Variants in RYR1 observed in about 807,000 individuals in gnomAD.
RYR1 encodes central core disease of muscle.
A neutral mutation model predicts 583.5 loss-of-function variants in RYR1; 342 were observed. The ratio of observed to expected loss-of-function variants is 0.59; its 90% CI spans 0.54 to 0.64. The LOEUF (loss-of-function observed/expected upper bound fraction) is 0.64, where lower values mean the gene tolerates loss of function less well. Ranked by LOEUF, RYR1 falls within the 30% of genes least tolerant of loss-of-function variation. The pLI is 0.00. For synonymous variants in RYR1, 2,791 were observed against 2,822.5 expected (o/e 0.99, Z 0.35); for missense variants, 6,032 against 6,917.2 (o/e 0.87, Z 4.54).
At chr19:38,519,070 G>A in intron 66 of RYR1, 144 bp from the exon 67 acceptor site, 1 of 1,347,076 alleles carries the variant, frequency 7.4e-7, no homozygotes, top group South Asian at 1.2e-5. Context: ...CAGTGTTCAG[G>A]GACTATATCC....
At chr19:38,455,210 A>G in intron 13 of RYR1, 25 bp from the exon 14 acceptor site, 8 of 1,613,710 alleles carry the variant, frequency 5.0e-6, no homozygotes, top group Non-Finnish European at 6.8e-6. Context: ...TCCTATTGTG[A>G]TGCCTCTTAT....
At chr19:38,585,891 T>C (rs1023358389) in intron 102 of RYR1, 47 bp from the exon 103 acceptor site, 5 of 1,613,046 alleles carry the variant, frequency 3.1e-6, no homozygotes, top group East Asian at 4.5e-5. Flanking sequence ...GGGGGGAGTC[T>C]GAACCAGGTC....
chr19:38,503,735 T>C (rs1970308083), intron 49 of RYR1, among the ~76,000 whole-genome samples: 1 of 150,818 alleles, frequency 6.6e-6, no homozygotes, highest in Admixed American at 6.6e-5. Flanking sequence ...ATCGTGCCAC[T>C]GCACTCCAGC....
chr19:38,447,251 CA>C (rs1433327258), intron 9 of RYR1, among the ~76,000 whole-genome samples: 1 of 150,830 alleles, frequency 6.6e-6, no homozygotes, highest in African/African-American at 2.4e-5. Context: ...AAAACAAAAA[CA>C]AAAAGAGGCC....
Position 38,548,373 on chromosome 19 carries a change from T to A in RYR1, c.12235T>A (p.Tyr4079Asn). Reference sequence around the variant, plus strand: ...TGTGGGCTCTGAAGCCTTCCAGGACTACGTAACGGATCCCCGTGGCCTCAT... The same window carrying A: ...TGTGGGCTCTGAAGCCTTCCAGGACAACGTAACGGATCCCCGTGGCCTCAT... Reference protein sequence around the residue: ...DIVGSEAFQDYVTDPRGLISK... With the variant: ...DIVGSEAFQDNVTDPRGLISK... Residue 4079 changes from tyrosine (Y) to asparagine (N), a missense_variant, in exon 89 of 106, where the codon TAC becomes AAC. Coordinates refer to ENST00000359596, the MANE Select transcript of RYR1 (RefSeq NM_000540.3). 6.2e-7 allele frequency: 1 copy of A among 1,614,138 alleles called. No individual in the cohort carries two copies. The highest frequency in any genetic ancestry group is 8.5e-7 in the Non-Finnish European group (1 of 1,180,034).
intron 54 of RYR1, 44 bp downstream of exon 54, chr19:38,505,990 A>C: frequency 1.3e-6 from 2 of 1,576,898 alleles, no homozygotes; most frequent in South Asian, 1.1e-5. Flanking sequence ...CGATGGGGGG[A>C]GGGTCTAGAA....
chr19:38,488,488 G>T (rs959281479), intron 34 of RYR1, among the ~76,000 whole-genome samples: 1 of 151,794 alleles, frequency 6.6e-6, no homozygotes. Flanking sequence ...CCATATGTTA[G>T]CATCTTTTAA....
intron 11 of RYR1, among the ~76,000 whole-genome samples, chr19:38,449,155 TAGAGAC>T (rs1653073839): frequency 6.6e-6 from 1 of 151,830 alleles, no homozygotes; most frequent in Admixed American, 6.6e-5. Flanking sequence ...TAGAGAAAGA[TAGAGAC>T]AGAGAAACAG....
At chr19:38,527,616 C>G in intron 72 of RYR1, 31 bp from the exon 73 acceptor site, 1 of 1,613,230 alleles carries the variant, frequency 6.2e-7, no homozygotes, top group Non-Finnish European at 8.5e-7. Context: ...AAGGGTCCCT[C>G]ACGCCGGCCA....
At position 38,478,553 on chromosome 19, in the gene RYR1, T is replaced by TTAA; in HGVS notation, c.4575_4577dup (p.Leu1525_Met1526insIle). 6 of 1,614,024 alleles carry TTAA rather than the reference T, an allele frequency of 3.7e-6. No homozygotes were observed. Among genetic ancestry groups the TTAA allele is most frequent in the Non-Finnish European group, 5.1e-6 (6 of 1,180,038 alleles). Reference sequence around the variant, plus strand: ...GTGCCTGGTGGACTTGGCCACTGGCTTAATGACCTTTACAGCCAATGGCAA... The same window carrying TTAA: ...GTGCCTGGTGGACTTGGCCACTGGCTTAATAATGACCTTTACAGCCAATGGCAA... On this transcript the variant is annotated inframe_insertion, in exon 31 of 106. Coordinates refer to ENST00000359596, the MANE Select transcript of RYR1 (RefSeq NM_000540.3).
intron 17 of RYR1, 149 bp from the exon 18 acceptor site, chr19:38,457,902 T>A: frequency 1.1e-6 from 1 of 871,268 alleles, no homozygotes; most frequent in Non-Finnish European, 1.9e-6. Flanking sequence ...CCTGTTTCTG[T>A]CTTGATTCTT....
At chr19:38,546,267 A>G (rs1295119082) in intron 87 of RYR1, among the ~76,000 whole-genome samples, 178 bp from the exon 88 acceptor site, 4 of 151,466 alleles carry the variant, frequency 2.6e-5, no homozygotes, top group Non-Finnish European at 4.4e-5. Context: ...CACCCCCACA[A>G]TCTTGTCTCT....
intron 78 of RYR1, among the ~76,000 whole-genome samples, chr19:38,533,048 G>A (rs1327587344): frequency 1.3e-5 from 2 of 151,928 alleles, no homozygotes; most frequent in African/African-American, 4.8e-5. Flanking sequence ...AGAGGGGTCA[G>A]GGCCAAGATG....
intron 89 of RYR1, among the ~76,000 whole-genome samples, 198 bp from the exon 90 acceptor site, chr19:38,560,915 G>GCT (rs749716872): frequency 4.6e-5 from 7 of 150,632 alleles, no homozygotes; most frequent in Non-Finnish European, 8.9e-5. Flanking sequence ...AGTCCCAGCT[G>GCT]CTCTGGATGC....
intron 91 of RYR1, among the ~76,000 whole-genome samples, chr19:38,566,087 G>A (rs1439018395): frequency 6.6e-6 from 1 of 151,868 alleles, no homozygotes; most frequent in Non-Finnish European, 1.5e-5. Context: ...GCCCGGAGAG[G>A]TAGAGAAAAT....
intron 13 of RYR1, among the ~76,000 whole-genome samples, chr19:38,454,836 G>T (rs1420099826): frequency 6.6e-6 from 1 of 151,924 alleles, no homozygotes; most frequent in Non-Finnish European, 1.5e-5. Flanking sequence ...TCTTTCTGAT[G>T]GTTGGTGTGG....
intron 2 of RYR1, among the ~76,000 whole-genome samples, chr19:38,441,409 G>A (rs1333349263): frequency 1.3e-5 from 2 of 151,288 alleles, no homozygotes; most frequent in South Asian, 2.1e-4. Context: ...CGGCGGGGGC[G>A]GGGGAGGATG....
intron 91 of RYR1, among the ~76,000 whole-genome samples, chr19:38,566,295 A>G (rs1311885785): frequency 6.6e-6 from 1 of 151,582 alleles, no homozygotes; most frequent in East Asian, 2.0e-4. Context: ...CTAAAAATAT[A>G]AAAATTAGCC....
chr19:38,492,377 AGGAAATG>A, intron 37 of RYR1, 106 bp from the exon 38 acceptor site: 8 of 1,163,840 alleles, frequency 6.9e-6, no homozygotes, highest in South Asian at 4.2e-5. Context: ...AAAAAAAAAA[AGGAAATG>A]AAAAACTCCA....
Sources: gnomAD v4.1 joint callset for allele counts (sites outside exome capture counted in the v4.1 genomes callset) on GRCh38, gnomAD v4.1.1 for gene constraint, MANE v1.5 for transcripts, NCBI Gene and HGNC (gene_info 2026-07-23, HGNC 2026-07-21) for gene names.